PTPRM: variants seen among roughly 807,000 people sequenced by gnomAD.
PTPRM encodes receptor-type tyrosine-protein phosphatase mu.
PTPRM carries 47 observed loss-of-function variants against 186.7 expected under a neutral mutation model. The observed-to-expected ratio is 0.25, with a 90% CI of 0.20 to 0.32. The LOEUF is 0.32. Among genes scored for constraint, PTPRM ranks in the 10% least tolerant of loss-of-function variants. The pLI, the probability that PTPRM is intolerant of heterozygous loss-of-function variation, is 1.00. For missense variants in PTPRM, 1,494 were observed against 1,865.0 expected, an observed-to-expected ratio of 0.80 and a Z score of 3.66; for synonymous variants, 668 against 674.9, an observed-to-expected ratio of 0.99 and a Z score of 0.16.
chr18:7,902,379 CTT>C (rs775074122), intron 3 of PTPRM, among the ~76,000 whole-genome samples: 3 of 152,142 alleles, frequency 2.0e-5, no homozygotes, highest in Non-Finnish European at 4.4e-5. Flanking sequence ...CTGAGACTCT[CTT>C]TGCCTCTAGT....
rs558451291 is a variant in PTPRM at position 8,174,056 on chromosome 18, ACT to A, written c.2300+30280_2300+30281del. 3.2e-3 allele frequency among the ~76,000 whole-genome samples: 468 copies of A among 144,252 alleles called. 2 individuals are homozygous for A. The highest frequency in any genetic ancestry group is 0.012 in the African/African-American group (431 of 37,040). The allele number at this position is 144,252 out of a possible 152,430, so 94.6% of individuals were successfully genotyped here. ...ACTCCAGTCTGAGCAACAGAGCGAG[ACT>A]CTGTCTCAAAAAAAAAAAAAAGGCC... is the stretch of plus-strand genomic sequence containing the variant. On this transcript the variant is annotated intron_variant, in intron 14 of 32. Coordinates refer to ENST00000580170, the MANE Select transcript of PTPRM (RefSeq NM_001105244.2).
At chr18:7,839,234 C>T (rs954535005) in intron 2 of PTPRM, among the ~76,000 whole-genome samples, 1 of 152,192 alleles carries the variant, frequency 6.6e-6, no homozygotes, top group Non-Finnish European at 1.5e-5. Context: ...CATTTTTTCC[C>T]TCTGCTTTTC....
chr18:8,201,044 G>A (rs116880251), intron 14 of PTPRM, among the ~76,000 whole-genome samples: 3 of 152,120 alleles, frequency 2.0e-5, no homozygotes, highest in African/African-American at 2.4e-5. Flanking sequence ...GGCCAGGCAC[G>A]ATGGCTCCCG....
At chr18:8,387,050 A>ATT in intron 30 of PTPRM, 22 bp from the exon 31 acceptor site, 1 of 1,571,836 alleles carries the variant, frequency 6.4e-7, no homozygotes, top group Non-Finnish European at 8.8e-7. Flanking sequence ...CCACTCCCCG[A>ATT]TTGTTGCCTT....
intron 1 of PTPRM, among the ~76,000 whole-genome samples, chr18:7,584,669 C>T (rs8091758): frequency 0.17 from 25,557 of 151,928 alleles, 4,418 homozygotes; most frequent in African/African-American, 0.43. Flanking sequence ...GTTCTATAAA[C>T]GGAAACTAAA....
At chr18:7,741,994 T>G (rs2040893351) in intron 1 of PTPRM, 1 of 152,182 alleles carries the variant, frequency 6.6e-6, no homozygotes, top group Admixed American at 6.5e-5. Context: ...GTAAAAAATA[T>G]GACATCTATT....
chr18:7,618,687 C>G (rs553618047), intron 1 of PTPRM, among the ~76,000 whole-genome samples: 1 of 152,294 alleles, frequency 6.6e-6, no homozygotes, highest in Non-Finnish European at 1.5e-5. Context: ...ATTTGTGATG[C>G]CTTTTACTTC....
At chr18:7,861,046 G>T (rs2047354879) in intron 2 of PTPRM, among the ~76,000 whole-genome samples, 1 of 152,042 alleles carries the variant, frequency 6.6e-6, no homozygotes, top group Non-Finnish European at 1.5e-5. Context: ...GTTCCTCCTA[G>T]GTCCCTCCCT....
intron 4 of PTPRM, among the ~76,000 whole-genome samples, chr18:7,920,130 G>GT: frequency 6.6e-6 from 1 of 152,056 alleles, no homozygotes; most frequent in South Asian, 2.1e-4. Flanking sequence ...TTGTGTCTTG[G>GT]TTTTTTATAT....
intron 32 of PTPRM, chr18:8,403,405 A>T (rs887572541): frequency 5.9e-5 from 9 of 152,164 alleles, no homozygotes; most frequent in African/African-American, 2.2e-4. Flanking sequence ...AGGGTTGAAA[A>T]ATTACCTGTT....
intron 23 of PTPRM, among the ~76,000 whole-genome samples, chr18:8,356,128 C>T (rs768941968): frequency 6.6e-6 from 1 of 152,196 alleles, no homozygotes; most frequent in Admixed American, 6.5e-5. Flanking sequence ...TCAGTACAAA[C>T]GGCAAGCACT....
chr18:7,766,987 T>A (rs1188622278), intron 1 of PTPRM, among the ~76,000 whole-genome samples: 1 of 152,216 alleles, frequency 6.6e-6, no homozygotes, highest in African/African-American at 2.4e-5. Flanking sequence ...GATAAAAGTC[T>A]TACTGGTTGT....
At chr18:8,387,775 T>C (rs911269264) in intron 31 of PTPRM, among the ~76,000 whole-genome samples, 2 of 144,334 alleles carry the variant, frequency 1.4e-5, no homozygotes, top group Non-Finnish European at 3.1e-5. Flanking sequence ...TGCGCGCGCG[T>C]GCATGCTTTT....
intron 2 of PTPRM, among the ~76,000 whole-genome samples, chr18:7,869,560 G>A (rs1055919254): frequency 6.6e-6 from 1 of 152,140 alleles, no homozygotes; most frequent in African/African-American, 2.4e-5. Flanking sequence ...GATGAGCTGG[G>A]TACCTCAGTT....
intron 1 of PTPRM, among the ~76,000 whole-genome samples, chr18:7,773,940 C>T (rs554234895): frequency 6.6e-6 from 1 of 152,232 alleles, no homozygotes; most frequent in East Asian, 1.9e-4. Flanking sequence ...CTGCGTAATA[C>T]AGTGATGTGG....
At chr18:8,126,002 TATATATATATATATATATATATA>T (rs1364853939) in intron 13 of PTPRM, among the ~76,000 whole-genome samples, 21 of 18,052 alleles carry the variant, frequency 1.2e-3, no homozygotes, top group Admixed American at 8.2e-4. Context: ...TATATATATA[TATATATATATATATATATATATA>T]TATTTTAAAT....
At chr18:8,078,116 G>T (rs2089929109) in intron 9 of PTPRM, among the ~76,000 whole-genome samples, 1 of 152,196 alleles carries the variant, frequency 6.6e-6, no homozygotes, top group Admixed American at 6.5e-5. Context: ...AGGCCAAAGT[G>T]ATTAAATACA....
chr18:8,105,947 G>A (rs988747547), intron 11 of PTPRM, among the ~76,000 whole-genome samples: 3 of 152,206 alleles, frequency 2.0e-5, no homozygotes, highest in Admixed American at 1.3e-4. Flanking sequence ...TTCCAAGTTT[G>A]CCTGACAGTG....
chr18:7,948,255 A>T (rs1330369822), intron 5 of PTPRM, among the ~76,000 whole-genome samples: 2 of 151,978 alleles, frequency 1.3e-5, no homozygotes, highest in East Asian at 1.9e-4. Flanking sequence ...GAAACTTTAT[A>T]TATATGTGTG....
Sources: allele counts gnomAD v4.1 joint callset (sites outside exome capture counted in the v4.1 genomes callset), GRCh38; gene constraint gnomAD v4.1.1; transcripts MANE v1.5; gene names NCBI Gene and HGNC (gene_info 2026-07-23, HGNC 2026-07-21).